The following LYSMD3 variants were observed in gnomAD, a reference collection of about 807,000 sequenced individuals.
The protein encoded by LYSMD3 is LysM domain containing 3.
LYSMD3 carries 13 observed loss-of-function variants against 26.1 expected under a neutral mutation model. That is an observed-to-expected ratio of 0.50 (90% CI 0.32 to 0.79). The LOEUF (loss-of-function observed/expected upper bound fraction) is 0.79. Ranked by LOEUF, LYSMD3 falls within the 30% of genes least tolerant of loss-of-function variation. LYSMD3 has a pLI of 0.03. For missense variants in LYSMD3, 331 were observed against 362.5 expected, an observed-to-expected ratio of 0.91 and a Z score of 0.71; for synonymous variants, 109 against 119.4, an observed-to-expected ratio of 0.91 and a Z score of 0.57.
intron 2 of LYSMD3, among the ~76,000 whole-genome samples, chr5:90,523,686 A>G (rs1223863071): frequency 1.3e-5 from 2 of 152,160 alleles, no homozygotes; most frequent in Non-Finnish European, 2.9e-5. Context: ...ATGCATTTAA[A>G]GAGCACTCTA....
intron 1 of LYSMD3, chr5:90,529,218 G>A (rs603015): frequency 0.38 from 135,183 of 353,896 alleles, 26,651 homozygotes; most frequent in Non-Finnish European, 0.42. Flanking sequence ...CAGCAGGTAG[G>A]CGTCCTTCCT....
intron 1 of LYSMD3, among the ~76,000 whole-genome samples, chr5:90,528,746 A>G (rs2151922953): frequency 6.6e-6 from 1 of 152,348 alleles, no homozygotes; most frequent in South Asian, 2.1e-4. Context: ...ACTCCCTTTC[A>G]GAAACTTGGA....
intron 2 of LYSMD3, chr5:90,520,386 A>G: frequency 2.2e-6 from 1 of 456,292 alleles, no homozygotes; most frequent in Admixed American, 2.3e-5. Flanking sequence ...AGAGAGATAA[A>G]GTGGGTCTAG....
Position 90,518,803 on chromosome 5 carries a change from G to T in LYSMD3, c.*16C>A. On this transcript the variant is annotated 3_prime_UTR_variant, in exon 3 of 3. Coordinates refer to ENST00000315948, the MANE Select transcript of LYSMD3 (RefSeq NM_198273.2). ...GATGCACATGTGACCACTAACATTT[G>T]ATTATGAGCTAATTGCTATGTTTCC... 1 of 1,594,708 alleles carries T rather than the reference G, an allele frequency of 6.3e-7. No individual in the cohort carries two copies. Among genetic ancestry groups the T allele is most frequent in the South Asian group, 1.1e-5 (1 of 88,090 alleles).
Position 90,518,589 on chromosome 5 carries a change from TTTAAA to T in LYSMD3, c.*225_*229del, listed in dbSNP as rs1753005706. On this transcript the variant is annotated 3_prime_UTR_variant, in exon 3 of 3. Transcript: ENST00000315948. The stretch of plus-strand genomic sequence containing the variant: ...AAGTTAAGTACTTCCTAAACACACA[TTTAAA>T]TTAATTTCTGCTTGAAACATTCACA... 7.1e-6 allele frequency: 3 copies of T among 421,400 alleles called. No homozygotes were observed. The highest frequency in any genetic ancestry group is 7.5e-5 in the South Asian group (1 of 13,298). The allele number at this position is 421,400 out of a possible 1,614,324, so 26.1% of individuals were successfully genotyped here. A position where few individuals can be genotyped will look rare whatever the true frequency, so the allele number is the denominator to read the frequency against.
In LYSMD3 at chr5:90,518,064, C is replaced by T. The variant is rs1219207082; in HGVS notation, c.*755G>A. On this transcript the variant is annotated 3_prime_UTR_variant, in exon 3 of 3. Transcript: ENST00000315948. The stretch of plus-strand genomic sequence containing the variant: ...TTTCATCATCAAAACTACAAAAGTG[C>T]TTTCAAATATCAGAGGCAAATATAA... The T allele has an allele frequency of 6.6e-6, 1 of 152,402 alleles. No individual in the cohort carries two copies. The highest frequency in any genetic ancestry group is 1.5e-5 in the Non-Finnish European group (1 of 67,918). The allele number at this position is 152,402 out of a possible 1,614,324, so 9.4% of individuals were successfully genotyped here. A position where few individuals can be genotyped will look rare whatever the true frequency, so the allele number is the denominator to read the frequency against.
chr5:90,516,156 C>T lies in LYSMD3; in HGVS notation c.*2663G>A, dbSNP rs1484361999. 7.2e-5 allele frequency: 11 copies of T among 151,936 alleles called. No homozygotes were observed. Among genetic ancestry groups the T allele is most frequent in the African/African-American group, 2.4e-4 (10 of 41,342 alleles). 9.4% of individuals were successfully genotyped at this position (151,936 alleles called of 1,614,324 possible). ...AAAGAAAAGCTGTAAATAAAAAGTCCTTTGGAGGAGATAATTTAACATGAG... is the reference window on the plus strand; with the variant it reads ...AAAGAAAAGCTGTAAATAAAAAGTCTTTTGGAGGAGATAATTTAACATGAG... On this transcript the variant is annotated 3_prime_UTR_variant, in exon 3 of 3. Coordinates refer to ENST00000315948, the MANE Select transcript of LYSMD3 (RefSeq NM_198273.2).
At position 90,516,095 on chromosome 5, in the gene LYSMD3, C is replaced by A. The variant is rs1752938842; in HGVS notation, c.*2724G>T. The A allele has an allele frequency of 6.6e-6, 1 of 152,042 alleles. No individual in the cohort carries two copies. The highest frequency in any genetic ancestry group is 1.5e-5 in the Non-Finnish European group (1 of 67,958). 9.4% of individuals were successfully genotyped at this position (152,042 alleles called of 1,614,324 possible). A position where few individuals can be genotyped will look rare whatever the true frequency, so the allele number is the denominator to read the frequency against. On this transcript the variant is annotated 3_prime_UTR_variant, in exon 3 of 3. Transcript: ENST00000315948. ...TAAGTAGTGGTTCATTTAAATAACTCTTCAGGACACTGAACCAAGCAGGTA... is the reference window on the plus strand; with the variant it reads ...TAAGTAGTGGTTCATTTAAATAACTATTCAGGACACTGAACCAAGCAGGTA...
chr5:90,519,202 C>T lies in LYSMD3; in HGVS notation c.538G>A (p.Glu180Lys). The change falls in exon 3 of 3, where the codon GAG (glutamate) becomes AAG (lysine). Residue 180 changes from glutamate to lysine, a missense_variant. Around this residue, in one of 3 missense-constraint regions of LYSMD3, gnomAD observed 262 missense variants for 267.3 expected, o/e 0.98. Coordinates refer to ENST00000315948, the MANE Select transcript of LYSMD3 (RefSeq NM_198273.2). Reference protein sequence around the residue: ...QIVKCTDNKRENLNEVVSALT... With the variant: ...QIVKCTDNKRKNLNEVVSALT... ...GCCGATACTACCTCATTGAGGTTCT[C>T]TCTCTTATTGTCTGTACACTTTACT... is the stretch of plus-strand genomic sequence containing the variant. 2.5e-6 allele frequency: 4 copies of T among 1,614,008 alleles called. No homozygotes were observed. The highest frequency in any genetic ancestry group is 3.4e-6 in the Non-Finnish European group (4 of 1,179,968).
At position 90,518,679 on chromosome 5, in the gene LYSMD3, AAAGTGTG is replaced by A. The variant is rs1455611416; in HGVS notation, c.*133_*139del. 7 of 809,612 alleles carry A rather than the reference AAAGTGTG, an allele frequency of 8.6e-6. No individual in the cohort carries two copies. The highest frequency in any genetic ancestry group is 2.7e-5 in the East Asian group (1 of 37,196). 50.2% of individuals were successfully genotyped at this position (809,612 alleles called of 1,614,324 possible). A position where few individuals can be genotyped will look rare whatever the true frequency, so the allele number is the denominator to read the frequency against. ...ACAACTAGTTGCTCAAAAAATTTTCAAAGTGTGAAACCCTTTTGTTAAAAACAAAAGC... is the reference window on the plus strand; with the variant it reads ...ACAACTAGTTGCTCAAAAAATTTTCAAAACCCTTTTGTTAAAAACAAAAGC... On this transcript the variant is annotated 3_prime_UTR_variant, in exon 3 of 3. Coordinates refer to ENST00000315948, the MANE Select transcript of LYSMD3 (RefSeq NM_198273.2).
rs1459079092 is a variant in LYSMD3 at position 90,518,246 on chromosome 5, T to C, written c.*573A>G. On this transcript the variant is annotated 3_prime_UTR_variant, in exon 3 of 3. Coordinates refer to ENST00000315948, the MANE Select transcript of LYSMD3 (RefSeq NM_198273.2). ...TTTTGGGGTCTTGAAAATATTTTAA[T>C]CTATTTCTTGGCCTCTGTTGTAGGA... The C allele has an allele frequency of 6.6e-6, 1 of 152,216 alleles. No individual in the cohort carries two copies. The highest frequency in any genetic ancestry group is 1.5e-5 in the Non-Finnish European group (1 of 68,020). The allele number at this position is 152,216 out of a possible 1,614,324, so 9.4% of individuals were successfully genotyped here.
At chr5:90,520,039 T>C (rs780476247) in intron 2 of LYSMD3, among the ~76,000 whole-genome samples, 2 of 152,148 alleles carry the variant, frequency 1.3e-5, no homozygotes, top group South Asian at 4.1e-4. Context: ...TGGAAAAGCA[T>C]ATATACCTTA....
rs144495440 is a variant in LYSMD3 at position 90,527,702 on chromosome 5, T to TA, written c.-12+1745dup. Among the ~76,000 whole-genome samples the TA allele has an allele frequency of 8.1e-3, 1,230 of 152,328 alleles. 15 individuals carry two copies. The highest frequency in any genetic ancestry group is 0.028 in the African/African-American group (1,178 of 41,570). ...CCCATCCCCAATGTATCTTATTATG[T>TA]ATATGCAAACATTCCAAAATCCAAA... On this transcript the variant is annotated intron_variant, in intron 1 of 2. Transcript: ENST00000315948.
intron 2 of LYSMD3, 88 bp from the exon 3 acceptor site, chr5:90,519,572 G>GAA: frequency 7.7e-7 from 1 of 1,303,754 alleles, no homozygotes; most frequent in Non-Finnish European, 1.0e-6. Context: ...ACTTTTGGAG[G>GAA]AAAAAAAAAG....
intron 1 of LYSMD3, chr5:90,526,896 GA>G (rs1753235980): frequency 6.6e-6 from 1 of 152,158 alleles, no homozygotes; most frequent in African/African-American, 2.4e-5. Flanking sequence ...AGATGAAAAT[GA>G]ATTTGTGAGT....
Position 90,518,026 on chromosome 5 carries a change from C to G in LYSMD3, c.*793G>C, listed in dbSNP as rs576034386. 1 of 152,384 alleles carries G rather than the reference C, an allele frequency of 6.6e-6. No individual in the cohort carries two copies. The highest frequency in any genetic ancestry group is 1.5e-5 in the Non-Finnish European group (1 of 67,912). The allele number at this position is 152,384 out of a possible 1,614,324, so 9.4% of individuals were successfully genotyped here. A position where few individuals can be genotyped will look rare whatever the true frequency, so the allele number is the denominator to read the frequency against. ...ATTTCCTAAATAATGGTAATATGCA[C>G]GTTTAATATATTTTTCATCATCAAA... On this transcript the variant is annotated 3_prime_UTR_variant, in exon 3 of 3. Transcript: ENST00000315948.
intron 2 of LYSMD3, among the ~76,000 whole-genome samples, chr5:90,520,734 A>G (rs1332597955): frequency 6.6e-6 from 1 of 152,084 alleles, no homozygotes; most frequent in East Asian, 1.9e-4. Flanking sequence ...AGTGTGGCCA[A>G]CAGGTGAAAC....
At chr5:90,527,084 C>T (rs894763407) in intron 1 of LYSMD3, 1 of 152,036 alleles carries the variant, frequency 6.6e-6, no homozygotes, top group African/African-American at 2.4e-5. Context: ...AAAATAACAT[C>T]TCAAAGACTC....
intron 1 of LYSMD3, among the ~76,000 whole-genome samples, chr5:90,525,597 C>T (rs2151922302): frequency 6.6e-6 from 1 of 152,062 alleles, no homozygotes; most frequent in African/African-American, 2.4e-5. Context: ...TTACAGGCGC[C>T]CACCACTACG....
Sources: gnomAD v4.1 joint callset for allele counts (sites outside exome capture counted in the v4.1 genomes callset) on GRCh38, gnomAD v4.1.1 for gene constraint, gnomAD v4.1.1 regional missense constraint, MANE v1.5 for transcripts, NCBI Gene and HGNC (gene_info 2026-07-23, HGNC 2026-07-21) for gene names.